PPP1R2B: variants seen among roughly 807,000 people sequenced by gnomAD.
The protein encoded by PPP1R2B is protein phosphatase inhibitor 2 family member B.
PPP1R2B carries 13 observed loss-of-function variants against 17.6 expected under a neutral mutation model. That is an observed-to-expected ratio of 0.74 (90% CI 0.48 to 1.17). The LOEUF is 1.17. PPP1R2B is among the 50% of genes most tolerant of loss of function. The pLI is 0.00. For synonymous variants in PPP1R2B, 105 were observed against 95.4 expected (o/e 1.10, Z -0.59); for missense variants, 230 against 252.4 (o/e 0.91, Z 0.60).
rs749417506 is a variant in PPP1R2B, at chr5:156,851,203, A to G, written c.*23A>G. 2.6e-6 allele frequency: 4 copies of G among 1,528,660 alleles called. No individual in the cohort carries two copies. The highest frequency in any genetic ancestry group is 1.7e-4 in the Middle Eastern group (1 of 5,926). 94.7% of individuals were successfully genotyped at this position (1,528,660 alleles called of 1,614,324 possible). On this transcript the variant is annotated 3_prime_UTR_variant, in exon 1 of 1. Coordinates refer to ENST00000522232, the MANE Select transcript of PPP1R2B (RefSeq NM_206858.3). ...TAGAAGAGATTTGTTCAACACTGCA[A>G]TTGTTTGTTAGATATAAACCCTGTG...
Position 156,850,459 on chromosome 5 carries a change from G to A in PPP1R2B, c.-104G>A. 1 of 1,406,914 alleles carries A rather than the reference G, an allele frequency of 7.1e-7. No homozygotes were observed. Among genetic ancestry groups the A allele is most frequent in the African/African-American group, 1.4e-5 (1 of 69,354 alleles). 87.2% of individuals were successfully genotyped at this position (1,406,914 alleles called of 1,614,324 possible). Reference sequence around the variant, plus strand: ...CAGCAGGTGCGGCCGCTTTAGCCCTGAGCGGGCTCTGCGGCTGCCTGCGAG... The same window carrying A: ...CAGCAGGTGCGGCCGCTTTAGCCCTAAGCGGGCTCTGCGGCTGCCTGCGAG... On this transcript the variant is annotated 5_prime_UTR_variant, in exon 1 of 1. Coordinates refer to ENST00000522232, the MANE Select transcript of PPP1R2B (RefSeq NM_206858.3).
Position 156,851,429 on chromosome 5 carries a change from T to G in PPP1R2B, c.*249T>G. The stretch of plus-strand genomic sequence containing the variant: ...ATCATCAGTCCAAAACTGCATTACT[T>G]TCATAAGAACACTGGTTAATTTGTA... On this transcript the variant is annotated 3_prime_UTR_variant, in exon 1 of 1. Coordinates refer to ENST00000522232, the MANE Select transcript of PPP1R2B (RefSeq NM_206858.3). The G allele has an allele frequency of 1.8e-6, 1 of 568,996 alleles. No individual in the cohort carries two copies. Among genetic ancestry groups the G allele is most frequent in the East Asian group, 2.9e-5 (1 of 34,590 alleles). The allele number at this position is 568,996 out of a possible 1,614,324, so 35.2% of individuals were successfully genotyped here.
rs1269315419 is a variant in PPP1R2B, at chr5:156,852,253, T to C, written c.*1073T>C. On this transcript the variant is annotated 3_prime_UTR_variant, in exon 1 of 1. Transcript: ENST00000522232. ...TTACAGATTGCTAATTAAATTGCTA[T>C]TATTAGTTTGGCTTAATTAGACTTA... The C allele has an allele frequency of 6.6e-6, 1 of 152,198 alleles. No individual in the cohort carries two copies. Among genetic ancestry groups the C allele is most frequent in the Admixed American group, 6.5e-5 (1 of 15,282 alleles). The allele number at this position is 152,198 out of a possible 1,614,324, so 9.4% of individuals were successfully genotyped here.
In PPP1R2B at chr5:156,852,294, GTTT is replaced by G. The variant is rs908602432; in HGVS notation, c.*1121_*1123del. The G allele has an allele frequency of 6.6e-6, 1 of 150,960 alleles. No individual in the cohort carries two copies. The highest frequency in any genetic ancestry group is 6.6e-5 in the Admixed American group (1 of 15,140). The allele number at this position is 150,960 out of a possible 1,614,324, so 9.4% of individuals were successfully genotyped here. On this transcript the variant is annotated 3_prime_UTR_variant, in exon 1 of 1. Transcript: ENST00000522232. Reference sequence around the variant, plus strand: ...ATTAGACTTAAGAAAACAACCGAGGGTTTTTTTTTGTTTTTTGAGGGTTTTCTT... The same window carrying G: ...ATTAGACTTAAGAAAACAACCGAGGGTTTTTTGTTTTTTGAGGGTTTTCTT...
rs979172906 is a variant in PPP1R2B at position 156,850,343 on chromosome 5, G to A, written c.-220G>A. Among the ~76,000 whole-genome samples the A allele has an allele frequency of 4.6e-5, 7 of 151,006 alleles. No individual in the cohort carries two copies. The highest frequency in any genetic ancestry group is 1.7e-4 in the African/African-American group (7 of 41,232). On this transcript the variant is annotated 5_prime_UTR_variant, in exon 1 of 1. Coordinates refer to ENST00000522232, the MANE Select transcript of PPP1R2B (RefSeq NM_206858.3). ...CGCGAGCCGCGGGTCAAGTGCCGGC[G>A]GCTAATGGTGCGCGAGGAGCCGCCA...
Position 156,850,823 on chromosome 5 carries a change from G to T in PPP1R2B, c.261G>T (p.Arg87Ser), listed in dbSNP as rs764149446. ...SMMGDDEDAC[R>S]DTETTEAMAP... ...TGGGTGATGATGAAGATGCGTGTAG[G>T]GACACCGAGACCACTGAAGCCATGG... The change falls in exon 1 of 1, where the codon AGG becomes AGT. Residue 87 changes from arginine (R) to serine (S), a missense_variant. By Grantham distance (110) the Arg-to-Ser change is moderately radical. Coordinates refer to ENST00000522232, the MANE Select transcript of PPP1R2B (RefSeq NM_206858.3). 14 of 1,517,120 alleles carry T rather than the reference G, an allele frequency of 9.2e-6. No individual in the cohort carries two copies. The South Asian group carries it at 1.3e-4, about 15-fold the overall frequency. The allele number at this position is 1,517,120 out of a possible 1,614,324, so 94.0% of individuals were successfully genotyped here.
chr5:156,850,718 C>T lies in PPP1R2B; in HGVS notation c.156C>T (p.Ile52=), dbSNP rs536664492. The change falls in exon 1 of 1, where the codon ATC becomes ATT. Residue 52 remains isoleucine, a synonymous_variant. Coordinates refer to ENST00000522232, the MANE Select transcript of PPP1R2B (RefSeq NM_206858.3). ...CCCAGAAGTGGGATGAAATTAACAT[C>T]TTGGCGACCTATCATCCAGCAGACA... is the stretch of plus-strand genomic sequence containing the variant. The part of the protein sequence containing the change: ...KKSQKWDEIN[I]LATYHPADKG... 3.9e-6 allele frequency: 6 copies of T among 1,545,178 alleles called. No individual in the cohort carries two copies. Among genetic ancestry groups the T allele is most frequent in the East Asian group, 2.2e-5 (1 of 44,526 alleles).
In PPP1R2B at chr5:156,851,623, C is replaced by G. The variant is rs757335799; in HGVS notation, c.*443C>G. The G allele has an allele frequency of 3.6e-5, 6 of 167,188 alleles. No individual in the cohort carries two copies. Among genetic ancestry groups the G allele is most frequent in the Admixed American group, 1.2e-4 (2 of 16,860 alleles). The allele number at this position is 167,188 out of a possible 1,614,324, so 10.4% of individuals were successfully genotyped here. On this transcript the variant is annotated 3_prime_UTR_variant, in exon 1 of 1. Transcript: ENST00000522232. ...CAGGATATATAGACTTATAAATATT[C>G]AAGCTGAATCGTATTTTAACACTTC...
Position 156,850,722 on chromosome 5 carries a change from G to T in PPP1R2B, c.160G>T (p.Ala54Ser). The T allele has an allele frequency of 6.5e-7, 1 of 1,544,324 alleles. No individual in the cohort carries two copies. Among genetic ancestry groups the T allele is most frequent in the Non-Finnish European group, 9.0e-7 (1 of 1,116,492 alleles). Residue 54 changes from alanine to serine, a missense_variant, in exon 1 of 1, where the codon GCG becomes TCG. By Grantham distance (99) the Ala-to-Ser change is moderately conservative. Coordinates refer to ENST00000522232, the MANE Select transcript of PPP1R2B (RefSeq NM_206858.3). ...SQKWDEINIL[A>S]TYHPADKGYG... ...GAAGTGGGATGAAATTAACATCTTG[G>T]CGACCTATCATCCAGCAGACAAAGG...
At position 156,851,360 on chromosome 5, in the gene PPP1R2B, T is replaced by C. The variant is rs568905638; in HGVS notation, c.*180T>C. The stretch of plus-strand genomic sequence containing the variant: ...TTAGACTGAAAATGCCTAATTGATA[T>C]ATATATTCTTATGCCTAGTACTTTA... On this transcript the variant is annotated 3_prime_UTR_variant, in exon 1 of 1. Coordinates refer to ENST00000522232, the MANE Select transcript of PPP1R2B (RefSeq NM_206858.3). 264 of 624,448 alleles carry C rather than the reference T, an allele frequency of 4.2e-4. 1 individual carries two copies. The highest frequency in any genetic ancestry group is 2.6e-3 in the South Asian group (130 of 50,466). 38.7% of individuals were successfully genotyped at this position (624,448 alleles called of 1,614,324 possible). A position where few individuals can be genotyped will look rare whatever the true frequency, so the allele number is the denominator to read the frequency against.
At position 156,852,139 on chromosome 5, in the gene PPP1R2B, C is replaced by A. The variant is rs1758489313; in HGVS notation, c.*959C>A. On this transcript the variant is annotated 3_prime_UTR_variant, in exon 1 of 1. Transcript: ENST00000522232. ...TTTTGACCATCAATGCCTATGAATT[C>A]TTCTAATACATGAAGAAAATAGATT... 2 of 152,222 alleles carry A rather than the reference C, an allele frequency of 1.3e-5. No homozygotes were observed. The highest frequency in any genetic ancestry group is 2.4e-5 in the African/African-American group (1 of 41,548). 9.4% of individuals were successfully genotyped at this position (152,222 alleles called of 1,614,324 possible). A position where few individuals can be genotyped will look rare whatever the true frequency, so the allele number is the denominator to read the frequency against.
At position 156,850,431 on chromosome 5, in the gene PPP1R2B, A is replaced by G; in HGVS notation, c.-132A>G. 1.8e-6 allele frequency: 2 copies of G among 1,130,410 alleles called. No homozygotes were observed. Among genetic ancestry groups the G allele is most frequent in the Non-Finnish European group, 1.2e-6 (1 of 807,822 alleles). 70.0% of individuals were successfully genotyped at this position (1,130,410 alleles called of 1,614,324 possible). Reference sequence around the variant, plus strand: ...ACAACCGCTCCAGTAGCCGTTTCCGAGGCAGCAGGTGCGGCCGCTTTAGCC... The same window carrying G: ...ACAACCGCTCCAGTAGCCGTTTCCGGGGCAGCAGGTGCGGCCGCTTTAGCC... On this transcript the variant is annotated 5_prime_UTR_variant, in exon 1 of 1. Coordinates refer to ENST00000522232, the MANE Select transcript of PPP1R2B (RefSeq NM_206858.3).
At position 156,851,361 on chromosome 5, in the gene PPP1R2B, A is replaced by G. The variant is rs1331208051; in HGVS notation, c.*181A>G. ...TAGACTGAAAATGCCTAATTGATATATATATTCTTATGCCTAGTACTTTAC... is the reference window on the plus strand; with the variant it reads ...TAGACTGAAAATGCCTAATTGATATGTATATTCTTATGCCTAGTACTTTAC... On this transcript the variant is annotated 3_prime_UTR_variant, in exon 1 of 1. Coordinates refer to ENST00000522232, the MANE Select transcript of PPP1R2B (RefSeq NM_206858.3). The G allele has an allele frequency of 3.2e-6, 2 of 624,296 alleles. No individual in the cohort carries two copies. Among genetic ancestry groups the G allele is most frequent in the South Asian group, 2.0e-5 (1 of 50,464 alleles). 38.7% of individuals were successfully genotyped at this position (624,296 alleles called of 1,614,324 possible). A position where few individuals can be genotyped will look rare whatever the true frequency, so the allele number is the denominator to read the frequency against.
Position 156,851,243 on chromosome 5 carries a change from C to T in PPP1R2B, c.*63C>T, listed in dbSNP as rs1758477976. The T allele has an allele frequency of 2.3e-6, 3 of 1,303,444 alleles. No individual in the cohort carries two copies. Among genetic ancestry groups the T allele is most frequent in the Non-Finnish European group, 1.1e-6 (1 of 903,064 alleles). 80.7% of individuals were successfully genotyped at this position (1,303,444 alleles called of 1,614,324 possible). Reference sequence around the variant, plus strand: ...TAAACCCTGTGACTATAATACATTGCTTCTTGTTCTCCACAATTCATGACT... The same window carrying T: ...TAAACCCTGTGACTATAATACATTGTTTCTTGTTCTCCACAATTCATGACT... On this transcript the variant is annotated 3_prime_UTR_variant, in exon 1 of 1. Transcript: ENST00000522232.
At position 156,851,788 on chromosome 5, in the gene PPP1R2B, GC is replaced by G. The variant is rs1758484531; in HGVS notation, c.*609del. The G allele has an allele frequency of 6.6e-6, 1 of 152,512 alleles. No individual in the cohort carries two copies. The highest frequency in any genetic ancestry group is 6.5e-5 in the Admixed American group (1 of 15,276). The allele number at this position is 152,512 out of a possible 1,614,324, so 9.4% of individuals were successfully genotyped here. On this transcript the variant is annotated 3_prime_UTR_variant, in exon 1 of 1. Coordinates refer to ENST00000522232, the MANE Select transcript of PPP1R2B (RefSeq NM_206858.3). ...ACTGAACTTTTTCTCATCAAAACTAGCTTTTTTCCCCACAAATAAATTATCA... is the reference window on the plus strand; with the variant it reads ...ACTGAACTTTTTCTCATCAAAACTAGTTTTTTCCCCACAAATAAATTATCA...
rs1235304499 is a variant in PPP1R2B at position 156,850,670 on chromosome 5, C to A, written c.108C>A (p.Val36=). Residue 36 remains valine, a synonymous_variant, in exon 1 of 1, where the codon GTC becomes GTA. Coordinates refer to ENST00000522232, the MANE Select transcript of PPP1R2B (RefSeq NM_206858.3). ...VASAEQPRRS[V]DEELSKKSQK... ...CGGCCGAACAGCCCCGCAGGAGTGT[C>A]GACGAGGAGCTGAGCAAAAAATCCC... The A allele has an allele frequency of 1.9e-6, 3 of 1,586,040 alleles. No homozygotes were observed. The highest frequency in any genetic ancestry group is 2.2e-5 in the South Asian group (2 of 90,204).
rs1758477337 is a variant in PPP1R2B at position 156,851,203 on chromosome 5, ATTGT to A, written c.*29_*32del. 1 of 1,528,660 alleles carries A rather than the reference ATTGT, an allele frequency of 6.5e-7. No homozygotes were observed. Among genetic ancestry groups the A allele is most frequent in the African/African-American group, 1.4e-5 (1 of 73,044 alleles). 94.7% of individuals were successfully genotyped at this position (1,528,660 alleles called of 1,614,324 possible). A position where few individuals can be genotyped will look rare whatever the true frequency, so the allele number is the denominator to read the frequency against. On this transcript the variant is annotated 3_prime_UTR_variant, in exon 1 of 1. Coordinates refer to ENST00000522232, the MANE Select transcript of PPP1R2B (RefSeq NM_206858.3). ...TAGAAGAGATTTGTTCAACACTGCA[ATTGT>A]TTGTTAGATATAAACCCTGTGACTA...
In PPP1R2B at chr5:156,851,042, A is replaced by C. The variant is rs1482965315; in HGVS notation, c.480A>C (p.Leu160Phe). 5.0e-6 allele frequency: 8 copies of C among 1,611,752 alleles called. No homozygotes were observed. In the South Asian group the frequency reaches 8.8e-5, roughly 18 times the overall value. The change falls in exon 1 of 1, where the codon TTA becomes TTC. Residue 160 changes from leucine to phenylalanine, a missense_variant. Coordinates refer to ENST00000522232, the MANE Select transcript of PPP1R2B (RefSeq NM_206858.3). ...EGLNIKLARQ[L>F]ISKDLHDDDE... ...TCAATATCAAACTAGCCAGACAATT[A>C]ATTTCAAAAGACCTACATGATGATG...
chr5:156,850,881 G>A lies in PPP1R2B; in HGVS notation c.319G>A (p.Ala107Thr), dbSNP rs777421393. Residue 107 changes from alanine (A) to threonine (T), a missense_variant, in exon 1 of 1, where the codon GCT (alanine) becomes ACT (threonine). Transcript: ENST00000522232. The part of the protein sequence containing the change: ...PDILAKKLAA[A>T]EGLEPKYRIQ... Reference sequence around the variant, plus strand: ...CATCCTAGCCAAGAAATTAGCTGCTGCTGAAGGCTTGGAGCCAAAGTACCG... The same window carrying A: ...CATCCTAGCCAAGAAATTAGCTGCTACTGAAGGCTTGGAGCCAAAGTACCG... 3 of 1,605,568 alleles carry A rather than the reference G, an allele frequency of 1.9e-6. No homozygotes were observed. In the South Asian group the frequency reaches 3.3e-5, roughly 18 times the overall value.
Sources: gnomAD v4.1 joint callset for allele counts (sites outside exome capture counted in the v4.1 genomes callset) on GRCh38, gnomAD v4.1.1 for gene constraint, MANE v1.5 for transcripts, NCBI Gene and HGNC (gene_info 2026-07-23, HGNC 2026-07-21) for gene names.